Variants in HMG20A observed in about 807,000 individuals in gnomAD.
HMG20A encodes the protein high mobility group 20A.
Under a neutral mutation model 43.9 loss-of-function variants are expected in HMG20A, and 17 were observed. The ratio of observed to expected loss-of-function variants is 0.39; its 90% CI spans 0.27 to 0.58. The LOEUF is 0.58. Ranked by LOEUF, HMG20A falls within the 20% of genes least tolerant of loss-of-function variation. HMG20A has a pLI of 0.59. For synonymous variants in HMG20A, 132 were observed against 147.5 expected, an observed-to-expected ratio of 0.89 and a Z score of 0.76; for missense variants, 341 against 438.2, an observed-to-expected ratio of 0.78 and a Z score of 1.98.
chr15:77,429,638 ATAGT>A (rs1325503452), intron 1 of HMG20A, among the ~76,000 whole-genome samples: 2 of 152,224 alleles, frequency 1.3e-5, no homozygotes, highest in East Asian at 1.9e-4. Flanking sequence ...AATAAGAAAA[ATAGT>A]TAAAGGCACA....
At chr15:77,518,403 A>G in the HMG20A span, among the ~76,000 whole-genome samples, 2 of 152,100 alleles carry the variant, frequency 1.3e-5, no homozygotes, top group African/African-American at 4.8e-5. Context: ...GATCTAGCCC[A>G]CCTGCCTTCA....
At chr15:77,476,738 A>G (rs2072860431) in intron 6 of HMG20A, among the ~76,000 whole-genome samples, 3 of 152,178 alleles carry the variant, frequency 2.0e-5, no homozygotes, top group Admixed American at 2.0e-4. Context: ...AATATTCACA[A>G]TGCTTTCAAC....
intron 4 of HMG20A, among the ~76,000 whole-genome samples, chr15:77,469,646 CATTT>C (rs963365936): frequency 2.6e-5 from 4 of 151,198 alleles, no homozygotes; most frequent in Non-Finnish European, 4.4e-5. Flanking sequence ...CCCCTACCCC[CATTT>C]ATTTATTTGT....
At chr15:77,497,431 C>T in the HMG20A span, among the ~76,000 whole-genome samples, 30,985 of 152,198 alleles carry the variant, frequency 0.2, 3,919 homozygotes, top group Middle Eastern at 0.29. Context: ...GCCTGGCTGG[C>T]TCCAAAGCTT....
In HMG20A at chr15:77,470,892, T is replaced by C. The variant is rs779297926; in HGVS notation, c.451-18T>C. Reference sequence around the variant, plus strand: ...AGGATCTCATTTTCTTGAAAATAATTCTGTATTTCTTTCCTAGCGCTACCT... The same window carrying C: ...AGGATCTCATTTTCTTGAAAATAATCCTGTATTTCTTTCCTAGCGCTACCT... On this transcript the variant is annotated intron_variant, in intron 4 of 9. Coordinates refer to ENST00000336216, the MANE Select transcript of HMG20A (RefSeq NM_001304504.2). 6.4e-7 allele frequency: 1 copy of C among 1,551,708 alleles called. No homozygotes were observed. Among genetic ancestry groups the C allele is most frequent in the East Asian group, 2.3e-5 (1 of 42,688 alleles).
intron 1 of HMG20A, among the ~76,000 whole-genome samples, chr15:77,422,626 A>ATAAATAAATAG (rs2073381912): frequency 6.6e-6 from 1 of 151,874 alleles, no homozygotes; most frequent in East Asian, 1.9e-4. Context: ...AAATAGATAA[A>ATAAATAAATAG]TAAATAAATA....
intron 6 of HMG20A, 118 bp downstream of exon 6, chr15:77,471,932 C>A: frequency 3.4e-6 from 2 of 583,112 alleles, no homozygotes; most frequent in East Asian, 3.2e-5. Context: ...TCTCGTAATT[C>A]AGATTAAATG....
At chr15:77,441,266 C>A (rs1194804567) in intron 1 of HMG20A, among the ~76,000 whole-genome samples, 1 of 152,122 alleles carries the variant, frequency 6.6e-6, no homozygotes, top group Non-Finnish European at 1.5e-5. Flanking sequence ...TCAGTATAAA[C>A]TGAGACTCCC....
At chr15:77,433,240 C>T (rs985390716) in intron 1 of HMG20A, among the ~76,000 whole-genome samples, 4 of 148,708 alleles carry the variant, frequency 2.7e-5, no homozygotes, top group Admixed American at 6.9e-5. Flanking sequence ...CCTAGCTACT[C>T]GGGAGGTAGG....
the HMG20A span, among the ~76,000 whole-genome samples, chr15:77,501,261 C>T: frequency 6.6e-6 from 1 of 152,192 alleles, no homozygotes; most frequent in South Asian, 2.1e-4. Context: ...TCTCTGAAGA[C>T]TTGTTTGCAT....
At chr15:77,449,926 C>G (rs2073717179) in intron 1 of HMG20A, among the ~76,000 whole-genome samples, 1 of 151,924 alleles carries the variant, frequency 6.6e-6, no homozygotes, top group East Asian at 1.9e-4. Context: ...TTTCACTGCC[C>G]TAAAAATGCC....
intron 3 of HMG20A, among the ~76,000 whole-genome samples, chr15:77,466,732 A>G (rs1567403560): frequency 6.6e-6 from 1 of 152,192 alleles, no homozygotes; most frequent in East Asian, 1.9e-4. Flanking sequence ...CTCTCCTGTC[A>G]GGAATCAGGA....
the HMG20A span, among the ~76,000 whole-genome samples, chr15:77,494,285 A>G: frequency 6.6e-6 from 1 of 152,110 alleles, no homozygotes; most frequent in Non-Finnish European, 1.5e-5. Context: ...GTGCACTACC[A>G]TGCCTGGCTA....
the HMG20A span, among the ~76,000 whole-genome samples, chr15:77,492,596 T>C: frequency 4.6e-5 from 7 of 151,810 alleles, no homozygotes; most frequent in Admixed American, 4.6e-4. Context: ...GGCAGGAGGA[T>C]TGCATGAGCT....
chr15:77,438,393 T>C (rs2073573573), intron 1 of HMG20A, among the ~76,000 whole-genome samples: 1 of 152,120 alleles, frequency 6.6e-6, no homozygotes, highest in African/African-American at 2.4e-5. Context: ...ACTATTTTAG[T>C]CACATAAATA....
chr15:77,507,556 A>G, the HMG20A span, among the ~76,000 whole-genome samples: 1 of 152,238 alleles, frequency 6.6e-6, no homozygotes, highest in African/African-American at 2.4e-5. Context: ...GGACGCAAGC[A>G]AAGAGAAAGA....
chr15:77,433,901 C>A lies in HMG20A; in HGVS notation c.-5+12897C>A, dbSNP rs145787494. On this transcript the variant is annotated intron_variant, in intron 1 of 9. Coordinates refer to ENST00000336216, the MANE Select transcript of HMG20A (RefSeq NM_001304504.2). Reference sequence around the variant, plus strand: ...GGAAGGAGGGACTTACAAGTTGATTCTAAAATTCACATAGACATGAAAAGG... The same window carrying A: ...GGAAGGAGGGACTTACAAGTTGATTATAAAATTCACATAGACATGAAAAGG... Among the ~76,000 whole-genome samples, 814 of 152,258 alleles carry A rather than the reference C, an allele frequency of 5.3e-3. 12 individuals are homozygous for A. The highest frequency in any genetic ancestry group is 0.022 in the Admixed American group (333 of 15,286).
intron 1 of HMG20A, among the ~76,000 whole-genome samples, chr15:77,432,877 G>A (rs1465098053): frequency 6.6e-6 from 1 of 151,732 alleles, no homozygotes; most frequent in Non-Finnish European, 1.5e-5. Flanking sequence ...GAATGAAAAG[G>A]GAAAATTTCT....
At chr15:77,421,095 G>C (rs1159141106) in intron 1 of HMG20A, 91 bp downstream of exon 1, 1 of 367,128 alleles carries the variant, frequency 2.7e-6, no homozygotes, top group Non-Finnish European at 4.8e-6. Context: ...GGTGGTACTG[G>C]TTTGTCTCAG....
Sources: allele counts gnomAD v4.1 joint callset (sites outside exome capture counted in the v4.1 genomes callset), GRCh38; gene constraint gnomAD v4.1.1; transcripts MANE v1.5; gene names NCBI Gene and HGNC (gene_info 2026-07-23, HGNC 2026-07-21).